Variants in POLR2J observed in about 807,000 individuals in gnomAD.
The protein encoded by POLR2J is DNA-directed RNA polymerase II subunit RPB11-a.
A neutral mutation model predicts 13.4 loss-of-function variants in POLR2J; 12 were observed. The observed-to-expected ratio is 0.90, with a 90% CI of 0.57 to 1.45. POLR2J has a LOEUF of 1.45. Among genes scored for constraint, POLR2J ranks in the 40% most tolerant of loss-of-function variants. The pLI is 0.00. For synonymous variants in POLR2J, 31 were observed against 53.6 expected (o/e 0.58, Z 1.84); for missense variants, 58 against 132.0 (o/e 0.44, Z 2.75).
At chr7:102,477,898 TG>T (rs1460994464) in intron 1 of POLR2J, among the ~76,000 whole-genome samples, 2 of 128,900 alleles carry the variant, frequency 1.6e-5, no homozygotes, top group African/African-American at 5.5e-5. Context: ...CACTGCAGCC[TG>T]GAACTCCTGT....
intron 1 of POLR2J, among the ~76,000 whole-genome samples, 167 bp downstream of exon 1, chr7:102,478,641 A>G (rs1339089151): frequency 1.3e-5 from 2 of 151,028 alleles, no homozygotes; most frequent in African/African-American, 4.9e-5. Context: ...ACATGGACAC[A>G]CTCGCGACTG....
In POLR2J at chr7:102,473,368, C is replaced by T. The variant is rs1798291028; in HGVS notation, c.*281G>A. The T allele has an allele frequency of 8.7e-6, 5 of 572,804 alleles. No individual in the cohort carries two copies. Among genetic ancestry groups the T allele is most frequent in the East Asian group, 3.1e-5 (1 of 32,246 alleles). 35.5% of individuals were successfully genotyped at this position (572,804 alleles called of 1,614,324 possible). On this transcript the variant is annotated 3_prime_UTR_variant, in exon 4 of 4. Coordinates refer to ENST00000292614, the MANE Select transcript of POLR2J (RefSeq NM_006234.6). ...CCAGAATGAATTCATCCCTGCCAGC[C>T]GGACGCCCCTGAAACAGGTCATCTG... is the stretch of plus-strand genomic sequence containing the variant.
chr7:102,476,526 G>C (rs1376343531), intron 1 of POLR2J, among the ~76,000 whole-genome samples: 2 of 149,100 alleles, frequency 1.3e-5, no homozygotes, highest in African/African-American at 2.5e-5. Flanking sequence ...TGTAGTCCTA[G>C]CTACTTGGGA....
intron 2 of POLR2J, among the ~76,000 whole-genome samples, chr7:102,475,699 A>G (rs1212805826): frequency 2.6e-5 from 4 of 152,252 alleles, no homozygotes; most frequent in Non-Finnish European, 5.9e-5. Flanking sequence ...CGGCAGGTGG[A>G]TCACCTGAGG....
Position 102,478,800 on chromosome 7 carries a change from T to C in POLR2J, c.53+8A>G. Reference sequence around the variant, plus strand: ...GCACCTCGGCCCGCCGCAGCCGGCGTCACTTACTTCTTCTCGCCCTCGAAG... The same window carrying C: ...GCACCTCGGCCCGCCGCAGCCGGCGCCACTTACTTCTTCTCGCCCTCGAAG... On this transcript the variant is annotated splice_region_variant and intron_variant, in intron 1 of 3. Transcript: ENST00000292614. 6.2e-7 allele frequency: 1 copy of C among 1,610,590 alleles called. No individual in the cohort carries two copies. Among genetic ancestry groups the C allele is most frequent in the South Asian group, 1.1e-5 (1 of 90,974 alleles).
At chr7:102,476,962 G>C (rs1798449933) in intron 1 of POLR2J, among the ~76,000 whole-genome samples, 1 of 92,496 alleles carries the variant, frequency 1.1e-5, no homozygotes, top group Non-Finnish European at 2.4e-5. Context: ...CTCCTGAGTA[G>C]CTGGGACCAC....
chr7:102,473,335 T>G lies in POLR2J; in HGVS notation c.*314A>C. The G allele has an allele frequency of 1.8e-6, 1 of 560,994 alleles. No individual in the cohort carries two copies. The highest frequency in any genetic ancestry group is 3.1e-6 in the Non-Finnish European group (1 of 326,014). The allele number at this position is 560,994 out of a possible 1,614,324, so 34.8% of individuals were successfully genotyped here. ...CCCGCAGCAGCCCCTGGACCCCGGA[T>G]CTTTGGTCCAGAATGAATTCATCCC... is the stretch of plus-strand genomic sequence containing the variant. On this transcript the variant is annotated 3_prime_UTR_variant, in exon 4 of 4. Coordinates refer to ENST00000292614, the MANE Select transcript of POLR2J (RefSeq NM_006234.6).
chr7:102,473,506 G>GACACGTCGGTGTCAGGGTGAGGGTGGCCA lies in POLR2J; in HGVS notation c.*142_*143insTGGCCACCCTCACCCTGACACCGACGTGT. 2.8e-6 allele frequency: 3 copies of GACACGTCGGTGTCAGGGTGAGGGTGGCCA among 1,070,530 alleles called. No individual in the cohort carries two copies. Among genetic ancestry groups the GACACGTCGGTGTCAGGGTGAGGGTGGCCA allele is most frequent in the Non-Finnish European group, 3.9e-6 (3 of 760,584 alleles). 66.3% of individuals were successfully genotyped at this position (1,070,530 alleles called of 1,614,324 possible). A position where few individuals can be genotyped will look rare whatever the true frequency, so the allele number is the denominator to read the frequency against. On this transcript the variant is annotated 3_prime_UTR_variant, in exon 4 of 4. Coordinates refer to ENST00000292614, the MANE Select transcript of POLR2J (RefSeq NM_006234.6). ...AATATAAAACCTAATCTATGTACAG[G>GACACGTCGGTGTCAGGGTGAGGGTGGCCA]ACACGTCGGTGTCAGGGTGAGGGGT...
rs73712498 is a variant in POLR2J, at chr7:102,473,358, C to T, written c.*291G>A. On this transcript the variant is annotated 3_prime_UTR_variant, in exon 4 of 4. Transcript: ENST00000292614. The stretch of plus-strand genomic sequence containing the variant: ...GATCTTTGGTCCAGAATGAATTCAT[C>T]CCTGCCAGCCGGACGCCCCTGAAAC... 2,518 of 569,688 alleles carry T rather than the reference C, an allele frequency of 4.4e-3. 43 individuals are homozygous for T. The highest frequency in any genetic ancestry group is 0.043 in the African/African-American group (2,280 of 53,222). The allele number at this position is 569,688 out of a possible 1,614,324, so 35.3% of individuals were successfully genotyped here. A position where few individuals can be genotyped will look rare whatever the true frequency, so the allele number is the denominator to read the frequency against.
Position 102,474,349 on chromosome 7 carries a change from C to T in POLR2J, c.318+12G>A. ...AGCCCACCCCGTCTGCCCCTCCAGGCCCCGCCCTCACCCGAAAGCGCTCCT... is the reference window on the plus strand; with the variant it reads ...AGCCCACCCCGTCTGCCCCTCCAGGTCCCGCCCTCACCCGAAAGCGCTCCT... On this transcript the variant is annotated intron_variant, in intron 3 of 3. Transcript: ENST00000292614. 1.2e-6 allele frequency: 2 copies of T among 1,611,942 alleles called. No homozygotes were observed. The highest frequency in any genetic ancestry group is 1.7e-5 in the Admixed American group (1 of 59,994).
At position 102,473,670 on chromosome 7, in the gene POLR2J, G is replaced by C. The variant is rs1413634211; in HGVS notation, c.333C>G (p.Asp111Glu). The C allele has an allele frequency of 2.5e-6, 4 of 1,613,848 alleles. No individual in the cohort carries two copies. The highest frequency in any genetic ancestry group is 2.2e-5 in the South Asian group (2 of 91,068). ...GCCCCTACTCAATTCCTTCCTGCTT[G>C]TCTTTTATGGCCACCTGGGAGAGAA... Reference protein sequence around the residue: ...LEERFRVAIKDKQEGIE With the variant: ...LEERFRVAIKEKQEGIE The change falls in exon 4 of 4, where the codon GAC becomes GAG. Residue 111 changes from aspartate (D) to glutamate (E), a missense_variant. Asp to Glu is a conservative substitution (Grantham distance 45). This residue lies in a region of POLR2J where 18 missense variants were observed against 16.0 expected (regional missense o/e 1.12). Coordinates refer to ENST00000292614, the MANE Select transcript of POLR2J (RefSeq NM_006234.6).
chr7:102,473,873 G>A (rs536296296), intron 3 of POLR2J, 189 bp from the exon 4 acceptor site: 107 of 1,441,806 alleles, frequency 7.4e-5, no homozygotes, highest in African/African-American at 5.3e-4. Flanking sequence ...TGGCAGCCCC[G>A]GCAGGAGTCA....
At chr7:102,474,164 C>T in intron 3 of POLR2J, 197 bp downstream of exon 3, 1 of 1,537,346 alleles carries the variant, frequency 6.5e-7, no homozygotes. Flanking sequence ...TCCCATGGGG[C>T]AGACGGGAGC....
Position 102,473,212 on chromosome 7 carries a change from T to A in POLR2J, c.*437A>T. On this transcript the variant is annotated 3_prime_UTR_variant, in exon 4 of 4. Transcript: ENST00000292614. ...CGAGTTATGCAGGAAGAAGTGTTCC[T>A]GCTTTGACTGACAGGCAGGCCCAGG... 1.2e-6 allele frequency: 1 copy of A among 845,938 alleles called. No homozygotes were observed. Among genetic ancestry groups the A allele is most frequent in the Non-Finnish European group, 1.8e-6 (1 of 563,802 alleles). 52.4% of individuals were successfully genotyped at this position (845,938 alleles called of 1,614,324 possible).
Position 102,473,522 on chromosome 7 carries a change from G to T in POLR2J, c.*127C>A. On this transcript the variant is annotated 3_prime_UTR_variant, in exon 4 of 4. Transcript: ENST00000292614. ...TATGTACAGGACACGTCGGTGTCAG[G>T]GTGAGGGGTGGCCACAAGGCGGGCC... The T allele has an allele frequency of 7.0e-7, 1 of 1,431,312 alleles. No individual in the cohort carries two copies. The highest frequency in any genetic ancestry group is 1.3e-5 in the South Asian group (1 of 76,756). 88.7% of individuals were successfully genotyped at this position (1,431,312 alleles called of 1,614,324 possible). A position where few individuals can be genotyped will look rare whatever the true frequency, so the allele number is the denominator to read the frequency against.
chr7:102,477,913 C>G (rs1261214723), intron 1 of POLR2J, among the ~76,000 whole-genome samples: 1 of 130,516 alleles, frequency 7.7e-6, no homozygotes, highest in African/African-American at 2.7e-5. Flanking sequence ...CTCCTGTGCT[C>G]AAGCAATCCT....
chr7:102,478,697 G>A (rs1255221206), intron 1 of POLR2J, 111 bp downstream of exon 1: 4 of 1,522,672 alleles, frequency 2.6e-6, no homozygotes, highest in Non-Finnish European at 3.5e-6. Context: ...CCGAGCAGAC[G>A]ATCAAGCAAA....
chr7:102,475,151 A>G (rs965648870), intron 2 of POLR2J, among the ~76,000 whole-genome samples: 1 of 152,178 alleles, frequency 6.6e-6, no homozygotes, highest in African/African-American at 2.4e-5. Context: ...GCCCCAGGAG[A>G]GCTTGGGTGC....
chr7:102,473,689 G>C lies in POLR2J; in HGVS notation c.319-5C>G, dbSNP rs751459883. The C allele has an allele frequency of 5.0e-6, 8 of 1,613,750 alleles. No homozygotes were observed. In the Admixed American group the frequency reaches 1.3e-4, roughly 27 times the overall value. ...CTGCTTGTCTTTTATGGCCACCTGG[G>C]AGAGAAGAAGGTGGTGGAGACTGAG... On this transcript the variant is annotated splice_region_variant and splice_polypyrimidine_tract_variant and intron_variant, in intron 3 of 3. Coordinates refer to ENST00000292614, the MANE Select transcript of POLR2J (RefSeq NM_006234.6).
Sources: allele counts gnomAD v4.1 joint callset (sites outside exome capture counted in the v4.1 genomes callset), GRCh38; gene constraint gnomAD v4.1.1; regional missense constraint gnomAD v4.1.1; transcripts MANE v1.5; gene names NCBI Gene and HGNC (gene_info 2026-07-23, HGNC 2026-07-21).